Variants in CAST observed in about 807,000 individuals in gnomAD.
CAST encodes the protein MIR583 host.
In CAST, 76 loss-of-function variants were observed where a neutral mutation model predicts 119.6. That is an observed-to-expected ratio of 0.64 (90% CI 0.53 to 0.77). CAST has a LOEUF of 0.77. Among genes scored for constraint, CAST ranks in the 30% least tolerant of loss-of-function variants. CAST has a pLI of 0.00. For missense variants in CAST, 953 were observed against 946.5 expected, an observed-to-expected ratio of 1.01 and a Z score of -0.09; for synonymous variants, 319 against 331.6, an observed-to-expected ratio of 0.96 and a Z score of 0.41.
the CAST span, among the ~76,000 whole-genome samples, chr5:96,511,739 C>T: frequency 6.6e-6 from 1 of 152,228 alleles, no homozygotes; most frequent in Admixed American, 6.5e-5. Context: ...CTCTGGGCTT[C>T]TCTGAGAAGC....
chr5:96,036,404 C>T, the CAST span, among the ~76,000 whole-genome samples: 3,124 of 152,056 alleles, frequency 0.021, 74 homozygotes, highest in Admixed American at 0.073. Context: ...CATTTGAGAC[C>T]TCTATATTAT....
chr5:96,177,411 A>G, the CAST span, among the ~76,000 whole-genome samples: 4 of 152,328 alleles, frequency 2.6e-5, no homozygotes, highest in East Asian at 7.7e-4. Context: ...ATGAGTGCTT[A>G]CAGGAACCAA....
chr5:96,648,425 A>G (rs1748049633), intron 1 of CAST, among the ~76,000 whole-genome samples: 1 of 151,848 alleles, frequency 6.6e-6, no homozygotes, highest in South Asian at 2.1e-4. Context: ...AAGTTTATAT[A>G]TTTAAGTTTC....
chr5:96,183,668 A>T, the CAST span, among the ~76,000 whole-genome samples: 1 of 152,156 alleles, frequency 6.6e-6, no homozygotes, highest in African/African-American at 2.4e-5. Context: ...TTAAGTTCAG[A>T]GTTTGCTCTT....
the CAST span, among the ~76,000 whole-genome samples, chr5:96,299,766 A>G: frequency 1.3e-5 from 2 of 152,134 alleles, no homozygotes; most frequent in South Asian, 4.1e-4. Context: ...TTTATTTTCT[A>G]TTGTATTTAT....
chr5:96,755,138 C>G (rs1304712034), intron 22 of CAST: 2 of 155,704 alleles, frequency 1.3e-5, no homozygotes, highest in African/African-American at 4.8e-5. Flanking sequence ...CCCAGGAGTT[C>G]AAGACTAGCC....
At chr5:96,462,755 C>T in the CAST span, among the ~76,000 whole-genome samples, 1 of 152,078 alleles carries the variant, frequency 6.6e-6, no homozygotes, top group Non-Finnish European at 1.5e-5. Context: ...TGTCAAGGGA[C>T]AAACCTGGTG....
chr5:96,701,232 AATT>A (rs1753854636), intron 3 of CAST, among the ~76,000 whole-genome samples: 2 of 152,032 alleles, frequency 1.3e-5, no homozygotes, highest in African/African-American at 4.8e-5. Flanking sequence ...CTGGCCAGAA[AATT>A]TGTTTTATAA....
chr5:96,739,173 A>C (rs753524839), intron 11 of CAST, among the ~76,000 whole-genome samples: 6 of 152,218 alleles, frequency 3.9e-5, no homozygotes, highest in Non-Finnish European at 8.8e-5. Context: ...GATTAGCAAA[A>C]GCGTGAAAGT....
At chr5:96,045,767 A>G in the CAST span, among the ~76,000 whole-genome samples, 1 of 152,190 alleles carries the variant, frequency 6.6e-6, no homozygotes, top group African/African-American at 2.4e-5. Context: ...TAGTAGGTCT[A>G]ACTTTAGGGT....
intron 2 of CAST, among the ~76,000 whole-genome samples, chr5:96,693,424 T>C (rs1580993666): frequency 1.3e-5 from 2 of 152,266 alleles, no homozygotes; most frequent in African/African-American, 4.8e-5. Context: ...AGTAGTGGAA[T>C]CCATTTATAG....
intron 1 of CAST, among the ~76,000 whole-genome samples, chr5:96,601,460 T>C (rs1747151244): frequency 6.6e-6 from 1 of 152,258 alleles, no homozygotes; most frequent in African/African-American, 2.4e-5. Flanking sequence ...ATGGATTCTT[T>C]GATCCATTTA....
At chr5:96,408,081 C>T in the CAST span, 1 of 697,792 alleles carries the variant, frequency 1.4e-6, no homozygotes, top group South Asian at 1.5e-5. Context: ...GGTTAGTGAC[C>T]TCGAAGTGGC....
At chr5:96,587,545 T>G (rs1299285374) in intron 1 of CAST, among the ~76,000 whole-genome samples, 1 of 152,188 alleles carries the variant, frequency 6.6e-6, no homozygotes, top group African/African-American at 2.4e-5. Context: ...AGAAGGTAAG[T>G]GATTGTTTCT....
the CAST span, chr5:96,392,999 T>G: frequency 6.2e-7 from 1 of 1,614,122 alleles, no homozygotes; most frequent in Non-Finnish European, 8.5e-7. Context: ...CACACACTTA[T>G]TTTAATTTTC....
the CAST span, among the ~76,000 whole-genome samples, chr5:96,072,913 T>A: frequency 3.9e-5 from 6 of 152,254 alleles, no homozygotes; most frequent in Non-Finnish European, 8.8e-5. Flanking sequence ...GCAAGAATGC[T>A]TCATGGGAAC....
At chr5:96,534,735 GAGAGAGAAAGAA>G (rs1745756554) in intron 1 of CAST, among the ~76,000 whole-genome samples, 8 of 18,796 alleles carry the variant, frequency 4.3e-4, no homozygotes, top group African/African-American at 1.4e-3. Flanking sequence ...GAGAGAGAGA[GAGAGAGAAAGAA>G]AGAAAGAAAG....
At chr5:96,462,230 C>G in the CAST span, among the ~76,000 whole-genome samples, 2 of 152,076 alleles carry the variant, frequency 1.3e-5, no homozygotes, top group Non-Finnish European at 2.9e-5. Context: ...CCCCTAGATT[C>G]TAAGCTCCAT....
intron 1 of CAST, among the ~76,000 whole-genome samples, chr5:96,624,529 G>T (rs1422925330): frequency 6.6e-6 from 1 of 152,144 alleles, no homozygotes; most frequent in Non-Finnish European, 1.5e-5. Flanking sequence ...CTTCTAAATT[G>T]TGCTAAAATA....
Sources: gnomAD v4.1 joint callset for allele counts (sites outside exome capture counted in the v4.1 genomes callset) on GRCh38, gnomAD v4.1.1 for gene constraint, MANE v1.5 for transcripts, NCBI Gene and HGNC (gene_info 2026-07-23, HGNC 2026-07-21) for gene names.